The following NRXN1 variants were observed in gnomAD, a reference collection of about 807,000 sequenced individuals.
NRXN1 encodes the protein neurexin-1.
NRXN1 carries 39 observed loss-of-function variants against 150.9 expected under a neutral mutation model. The ratio of observed to expected loss-of-function variants is 0.26; its 90% CI spans 0.20 to 0.34. The LOEUF (loss-of-function observed/expected upper bound fraction) is 0.34, where lower values mean the gene tolerates loss of function less well. Ranked by LOEUF, NRXN1 falls within the 10% of genes least tolerant of loss-of-function variation. The probability of loss-of-function intolerance (pLI) is 1.00; values close to 1 mark genes in which losing one functional copy is unlikely to be tolerated. For missense variants in NRXN1, 1,815 were observed against 1,949.9 expected, an observed-to-expected ratio of 0.93 and a Z score of 1.30; for synonymous variants, 924 against 757.0, an observed-to-expected ratio of 1.22 and a Z score of -3.62.
chr2:50,601,778 C>A (rs922736272), intron 8 of NRXN1, among the ~76,000 whole-genome samples: 1 of 152,186 alleles, frequency 6.6e-6, no homozygotes, highest in East Asian at 1.9e-4. Context: ...ACATCATACA[C>A]TGGAGTACAT....
At chr2:50,228,120 C>A (rs1403236590) in intron 18 of NRXN1, among the ~76,000 whole-genome samples, 1 of 151,912 alleles carries the variant, frequency 6.6e-6, no homozygotes, top group Non-Finnish European at 1.5e-5. Context: ...AAGTGTAAAA[C>A]ACACATTGGA....
At chr2:50,368,416 G>A (rs1007517812) in intron 17 of NRXN1, among the ~76,000 whole-genome samples, 1 of 151,802 alleles carries the variant, frequency 6.6e-6, no homozygotes, top group East Asian at 1.9e-4. Flanking sequence ...AAAAAACCTG[G>A]GGATTTTTAC....
chr2:50,495,777 A>G (rs2091568702), intron 15 of NRXN1, 128 bp downstream of exon 15: 4 of 670,466 alleles, frequency 6.0e-6, no homozygotes, highest in Non-Finnish European at 9.4e-6. Flanking sequence ...ATTGTTAATT[A>G]TGTGCTGAAA....
At chr2:50,991,331 C>G (rs1156526895) in intron 2 of NRXN1, among the ~76,000 whole-genome samples, 4 of 151,816 alleles carry the variant, frequency 2.6e-5, no homozygotes, top group African/African-American at 9.7e-5. Flanking sequence ...CAAAGGTGAC[C>G]TCCTAAATAA....
At chr2:50,824,722 C>T (rs573480241) in intron 5 of NRXN1, among the ~76,000 whole-genome samples, 22 of 152,202 alleles carry the variant, frequency 1.4e-4, no homozygotes, top group Admixed American at 1.2e-3. Flanking sequence ...AAAAAATACC[C>T]ACTTCTCCAG....
chr2:50,886,823 T>G (rs1680319030), intron 5 of NRXN1, among the ~76,000 whole-genome samples: 1 of 151,382 alleles, frequency 6.6e-6, no homozygotes, highest in African/African-American at 2.4e-5. Context: ...ATAGCTATAT[T>G]ATACTTTGGA....
chr2:50,832,079 T>A (rs2105891297), intron 5 of NRXN1, among the ~76,000 whole-genome samples: 1 of 152,332 alleles, frequency 6.6e-6, no homozygotes, highest in South Asian at 2.1e-4. Flanking sequence ...GAAAATATTA[T>A]TTTAGGCATG....
chr2:50,800,908 A>G (rs1707501036), intron 5 of NRXN1, among the ~76,000 whole-genome samples: 1 of 152,122 alleles, frequency 6.6e-6, no homozygotes, highest in Non-Finnish European at 1.5e-5. Flanking sequence ...GACATTTGGA[A>G]CTATTTTTTA....
At chr2:50,935,751 G>A (rs1325884391) in intron 2 of NRXN1, among the ~76,000 whole-genome samples, 1 of 151,136 alleles carries the variant, frequency 6.6e-6, no homozygotes, top group African/African-American at 2.4e-5. Flanking sequence ...CCCGAATATG[G>A]AATGGTAGAA....
chr2:50,781,036 C>T (rs1337150538), intron 5 of NRXN1, among the ~76,000 whole-genome samples: 1 of 152,160 alleles, frequency 6.6e-6, no homozygotes, highest in Non-Finnish European at 1.5e-5. Flanking sequence ...GCACAAAATT[C>T]CAGAATCCTA....
chr2:50,012,022 T>C (rs7579564), intron 21 of NRXN1, among the ~76,000 whole-genome samples: 4,521 of 152,160 alleles, frequency 0.03, 225 homozygotes, highest in African/African-American at 0.1. Context: ...GCAAACATAA[T>C]AGCCCAGGGT....
At chr2:50,465,328 T>A (rs1423480394) in intron 17 of NRXN1, 114 bp downstream of exon 17, 2 of 1,050,562 alleles carry the variant, frequency 1.9e-6, no homozygotes, top group African/African-American at 3.2e-5. Flanking sequence ...CTATGGGTTA[T>A]GACAGTTCGA....
intron 19 of NRXN1, among the ~76,000 whole-genome samples, chr2:50,055,817 T>C (rs983185648): frequency 6.6e-6 from 1 of 152,158 alleles, no homozygotes; most frequent in Non-Finnish European, 1.5e-5. Context: ...ATATCTGCTT[T>C]TTATTAAGTT....
chr2:50,456,801 T>C (rs2087607256), intron 17 of NRXN1, among the ~76,000 whole-genome samples: 1 of 152,104 alleles, frequency 6.6e-6, no homozygotes, highest in African/African-American at 2.4e-5. Context: ...TTTCTCTGTG[T>C]ATCTACCAAA....
intron 18 of NRXN1, among the ~76,000 whole-genome samples, chr2:50,136,741 T>C (rs147678402): frequency 6.2e-4 from 94 of 152,360 alleles, no homozygotes; most frequent in African/African-American, 2.1e-3. Flanking sequence ...CTGTTTTTAC[T>C]AACCAAAATC....
chr2:50,769,664 A>T (rs934682842), intron 5 of NRXN1, among the ~76,000 whole-genome samples: 7 of 152,102 alleles, frequency 4.6e-5, no homozygotes, highest in African/African-American at 1.7e-4. Flanking sequence ...CTACAAGGAA[A>T]TTCTACCTGA....
intron 17 of NRXN1, among the ~76,000 whole-genome samples, chr2:50,431,457 G>C (rs2084957797): frequency 6.6e-6 from 1 of 152,148 alleles, no homozygotes; most frequent in Admixed American, 6.6e-5. Flanking sequence ...TTCAAGATAA[G>C]AGAAAATCAA....
At chr2:50,650,015 T>G (rs1248461526) in intron 5 of NRXN1, among the ~76,000 whole-genome samples, 1 of 152,058 alleles carries the variant, frequency 6.6e-6, no homozygotes, top group Admixed American at 6.6e-5. Flanking sequence ...CCCAGCTGTT[T>G]CTGTCTCCCT....
intron 5 of NRXN1, among the ~76,000 whole-genome samples, chr2:50,690,639 G>A (rs1327048181): frequency 2.0e-5 from 3 of 152,184 alleles, no homozygotes; most frequent in Non-Finnish European, 4.4e-5. Flanking sequence ...GTGGCTTTGA[G>A]AACATATATT....
Sources: gnomAD v4.1 joint callset for allele counts (sites outside exome capture counted in the v4.1 genomes callset) on GRCh38, gnomAD v4.1.1 for gene constraint, MANE v1.5 for transcripts, NCBI Gene and HGNC (gene_info 2026-07-23, HGNC 2026-07-21) for gene names.